Variants in APBB2 observed in about 807,000 individuals in gnomAD.
APBB2 encodes Fe65-like 1.
APBB2 carries 38 observed loss-of-function variants against 82.5 expected under a neutral mutation model. That is an observed-to-expected ratio of 0.46 (90% CI 0.36 to 0.60). The LOEUF (loss-of-function observed/expected upper bound fraction) is 0.60. APBB2 is among the 20% of genes least tolerant of loss of function. The pLI is 0.00. For synonymous variants in APBB2, 341 were observed against 368.2 expected (o/e 0.93, Z 0.85); for missense variants, 772 against 972.3 (o/e 0.79, Z 2.74).
intron 2 of APBB2, among the ~76,000 whole-genome samples, chr4:41,125,895 C>T (rs1022646292): frequency 6.6e-6 from 1 of 152,168 alleles, no homozygotes; most frequent in Middle Eastern, 3.2e-3. Flanking sequence ...CAAAGACAGC[C>T]GTCCACAAAG....
intron 6 of APBB2, among the ~76,000 whole-genome samples, chr4:40,956,928 C>G (rs1791785814): frequency 6.6e-6 from 1 of 152,196 alleles, no homozygotes; most frequent in Admixed American, 6.5e-5. Flanking sequence ...TGGGCTTACT[C>G]AACTACATTT....
chr4:40,986,481 CACA>C (rs1800451837), intron 6 of APBB2, among the ~76,000 whole-genome samples: 2 of 152,214 alleles, frequency 1.3e-5, no homozygotes, highest in African/African-American at 2.4e-5. Flanking sequence ...TGGGAGAGTA[CACA>C]TAATGCACAC....
intron 3 of APBB2, among the ~76,000 whole-genome samples, chr4:41,089,877 C>T (rs1225898876): frequency 6.6e-6 from 1 of 152,100 alleles, no homozygotes; most frequent in Non-Finnish European, 1.5e-5. Context: ...ATGTTTTGAT[C>T]CTACGCCCAT....
At chr4:40,924,981 A>G (rs1782237933) in intron 10 of APBB2, among the ~76,000 whole-genome samples, 1 of 152,160 alleles carries the variant, frequency 6.6e-6, no homozygotes. Context: ...ACATTTTTTG[A>G]AAAGTATGGT....
At chr4:41,173,060 C>T (rs1485788338) in intron 1 of APBB2, among the ~76,000 whole-genome samples, 1 of 152,162 alleles carries the variant, frequency 6.6e-6, no homozygotes, top group African/African-American at 2.4e-5. Context: ...ATTACCACTA[C>T]AAGGAAATTC....
chr4:40,886,378 G>A (rs2154349131), intron 12 of APBB2, among the ~76,000 whole-genome samples: 1 of 152,262 alleles, frequency 6.6e-6, no homozygotes, highest in Non-Finnish European at 1.5e-5. Context: ...TACTTGGGAG[G>A]CTGAGGCAGA....
chr4:41,148,866 A>T (rs1258020977), intron 1 of APBB2, among the ~76,000 whole-genome samples: 1 of 152,214 alleles, frequency 6.6e-6, no homozygotes, highest in Non-Finnish European at 1.5e-5. Context: ...AATGGGGCTG[A>T]CATTTTGGTC....
intron 4 of APBB2, among the ~76,000 whole-genome samples, chr4:41,042,509 GC>G (rs1721915656): frequency 6.6e-6 from 1 of 152,150 alleles, no homozygotes; most frequent in Non-Finnish European, 1.5e-5. Flanking sequence ...TGTTGTTTTG[GC>G]CAACTGGATG....
intron 6 of APBB2, among the ~76,000 whole-genome samples, chr4:40,981,633 T>A (rs909621696): frequency 1.3e-5 from 2 of 152,192 alleles, no homozygotes; most frequent in African/African-American, 4.8e-5. Flanking sequence ...GTTGTATGCA[T>A]GGTCTCTGCT....
chr4:40,998,321 C>T (rs62412084), intron 6 of APBB2, among the ~76,000 whole-genome samples: 6,389 of 152,164 alleles, frequency 0.042, 272 homozygotes, highest in African/African-American at 0.11. Context: ...AAATAACCAA[C>T]GCATGATGTT....
At chr4:41,068,324 C>T (rs1732636830) in intron 3 of APBB2, among the ~76,000 whole-genome samples, 1 of 152,166 alleles carries the variant, frequency 6.6e-6, no homozygotes, top group African/African-American at 2.4e-5. Context: ...CTATGGGAAA[C>T]TGCAATCACA....
chr4:40,849,786 GGCA>G (rs1758752864), intron 12 of APBB2, among the ~76,000 whole-genome samples: 1 of 146,774 alleles, frequency 6.8e-6, no homozygotes, highest in Non-Finnish European at 1.5e-5. Context: ...GGAGTGCAGT[GGCA>G]CCATCTCAGC....
At chr4:40,980,486 G>A (rs1399863362) in intron 6 of APBB2, among the ~76,000 whole-genome samples, 1 of 152,154 alleles carries the variant, frequency 6.6e-6, no homozygotes, top group African/African-American at 2.4e-5. Context: ...GAGAGAAAAG[G>A]AAGAATGCCC....
intron 1 of APBB2, among the ~76,000 whole-genome samples, chr4:41,211,434 G>A (rs1162452774): frequency 1.4e-4 from 19 of 132,848 alleles, no homozygotes; most frequent in African/African-American, 5.4e-4. Flanking sequence ...TATATCACAA[G>A]GGTATTGTCC....
rs766954387 is a variant in APBB2 at position 40,945,027 on chromosome 4, C to A, written c.882G>T (p.Pro294=). ...DHSFQTDPDL[P]PGWKRVSDIA... ...TGTCACTGACTCTTTTCCAGCCAGG[C>A]GGCAAATCTGGATCAGTCTGAAATG... The change falls in exon 7 of 18, where the codon CCG becomes CCT. Residue 294 remains proline (P), a synonymous_variant. Coordinates refer to ENST00000508593, the MANE Select transcript of APBB2 (RefSeq NM_004307.2). 3.6e-5 allele frequency: 57 copies of A among 1,599,232 alleles called. No individual in the cohort carries two copies. Among genetic ancestry groups the A allele is most frequent in the Non-Finnish European group, 4.4e-5 (52 of 1,177,014 alleles).
chr4:41,120,131 C>G (rs1418544273), intron 2 of APBB2, among the ~76,000 whole-genome samples: 5 of 152,188 alleles, frequency 3.3e-5, no homozygotes, highest in Admixed American at 6.5e-5. Context: ...CAGGATCCTT[C>G]AAGGCCTGGC....
rs138919445 is a variant in APBB2, at chr4:40,836,420, T to C, written c.1530-5843A>G. ...TGAACTCAGGAGATGGAGGTTGCAG[T>C]AGGCTGAGATTCCACCACTGCACTC... is the stretch of plus-strand genomic sequence containing the variant. On this transcript the variant is annotated intron_variant, in intron 12 of 17. Coordinates refer to ENST00000508593, the MANE Select transcript of APBB2 (RefSeq NM_004307.2). 5.3e-5 allele frequency among the ~76,000 whole-genome samples: 8 copies of C among 152,272 alleles called. No homozygotes were observed. In the East Asian group the frequency reaches 1.5e-3, roughly 29 times the overall value.
At chr4:41,052,995 C>G (rs1017575153) in intron 4 of APBB2, among the ~76,000 whole-genome samples, 1 of 152,132 alleles carries the variant, frequency 6.6e-6, no homozygotes, top group Non-Finnish European at 1.5e-5. Context: ...AAACTCCTGA[C>G]CTCAACTGAT....
chr4:41,199,027 C>A (rs1776034799), intron 1 of APBB2, among the ~76,000 whole-genome samples: 1 of 152,106 alleles, frequency 6.6e-6, no homozygotes, highest in African/African-American at 2.4e-5. Context: ...ATAAGAAAAC[C>A]AGTTATAAGG....
Sources: allele counts gnomAD v4.1 joint callset (sites outside exome capture counted in the v4.1 genomes callset), GRCh38; gene constraint gnomAD v4.1.1; transcripts MANE v1.5; gene names NCBI Gene and HGNC (gene_info 2026-07-23, HGNC 2026-07-21).